Variants in DAB1 observed in about 807,000 individuals in gnomAD.
The protein encoded by DAB1 is DAB adaptor protein 1.
In DAB1, 15 loss-of-function variants were observed where a neutral mutation model predicts 64.6. The observed-to-expected ratio is 0.23, with a 90% CI of 0.16 to 0.36. DAB1 has a LOEUF of 0.36. DAB1 is among the 10% of genes least tolerant of loss of function. The pLI is 1.00. For missense variants in DAB1, 596 were observed against 706.7 expected, an observed-to-expected ratio of 0.84 and a Z score of 1.78; for synonymous variants, 235 against 251.9, an observed-to-expected ratio of 0.93 and a Z score of 0.64.
chr1:57,529,934 A>T (rs1158209400), intron 7 of DAB1, among the ~76,000 whole-genome samples: 1 of 152,064 alleles, frequency 6.6e-6, no homozygotes. Context: ...TTCAATACAC[A>T]TTTATCAAGT....
intron 5 of DAB1, among the ~76,000 whole-genome samples, chr1:57,990,806 C>T (rs900157445): frequency 7.2e-5 from 11 of 152,162 alleles, no homozygotes; most frequent in African/African-American, 2.4e-4. Flanking sequence ...GCAAGACAAT[C>T]CCAGAAGAAA....
At chr1:57,357,580 G>C (rs1214126209) in intron 1 of DAB1, among the ~76,000 whole-genome samples, 1 of 125,982 alleles carries the variant, frequency 7.9e-6, no homozygotes, top group Non-Finnish European at 1.7e-5. Flanking sequence ...TTCTTTTTCA[G>C]ATAGTTCACT....
intron 4 of DAB1, among the ~76,000 whole-genome samples, chr1:58,258,164 G>T (rs1660975733): frequency 6.6e-6 from 1 of 151,980 alleles, no homozygotes; most frequent in African/African-American, 2.4e-5. Flanking sequence ...TCGCACACCA[G>T]GAGGAGTCTG....
At chr1:57,571,764 A>G (rs1478119048) in intron 7 of DAB1, among the ~76,000 whole-genome samples, 1 of 152,198 alleles carries the variant, frequency 6.6e-6, no homozygotes, top group East Asian at 1.9e-4. Context: ...TCTGGACAGG[A>G]ATTAAACAGA....
At chr1:58,543,049 T>C (rs1243818493) in intron 1 of DAB1, among the ~76,000 whole-genome samples, 1 of 151,806 alleles carries the variant, frequency 6.6e-6, no homozygotes, top group Non-Finnish European at 1.5e-5. Context: ...AGACAGAAGA[T>C]AAGTGAGAGA....
chr1:58,527,829 C>G (rs1248036701), intron 1 of DAB1, among the ~76,000 whole-genome samples: 1 of 152,082 alleles, frequency 6.6e-6, no homozygotes, highest in Non-Finnish European at 1.5e-5. Context: ...TTTCCTTTTT[C>G]TTTTCTAAGT....
intron 4 of DAB1, among the ~76,000 whole-genome samples, chr1:58,171,083 G>A (rs923320003): frequency 6.6e-6 from 1 of 152,160 alleles, no homozygotes; most frequent in Non-Finnish European, 1.5e-5. Flanking sequence ...TGCCTTTCTT[G>A]TTATGCCTGA....
At chr1:57,700,552 G>A (rs897014393) in intron 6 of DAB1, among the ~76,000 whole-genome samples, 1 of 152,144 alleles carries the variant, frequency 6.6e-6, no homozygotes, top group Admixed American at 6.5e-5. Flanking sequence ...TGAGAAGTCT[G>A]TTATCAGATG....
At chr1:57,398,148 T>C (rs1682958417) in intron 1 of DAB1, among the ~76,000 whole-genome samples, 2 of 152,234 alleles carry the variant, frequency 1.3e-5, no homozygotes, top group African/African-American at 4.8e-5. Context: ...CAGTCAACAC[T>C]ATCGAGTGCA....
At chr1:57,631,373 A>G (rs1645987323) in intron 7 of DAB1, among the ~76,000 whole-genome samples, 1 of 152,204 alleles carries the variant, frequency 6.6e-6, no homozygotes, top group Non-Finnish European at 1.5e-5. Context: ...ATAAAAATAT[A>G]TTTGCAAATC....
chr1:57,840,494 G>T (rs567572749), intron 1 of DAB1, among the ~76,000 whole-genome samples: 21 of 152,044 alleles, frequency 1.4e-4, no homozygotes, highest in Non-Finnish European at 2.6e-4. Context: ...TATCTAACCA[G>T]GGTATTAGTC....
chr1:58,331,858 C>T (rs960070881), intron 4 of DAB1, among the ~76,000 whole-genome samples: 2 of 152,122 alleles, frequency 1.3e-5, no homozygotes, highest in South Asian at 4.1e-4. Context: ...GGTCTGAAAC[C>T]GAACTCCAAC....
At chr1:57,435,038 CTTTTTTTCTTTTTT>C (rs1685640844) in intron 7 of DAB1, among the ~76,000 whole-genome samples, 1 of 130,628 alleles carries the variant, frequency 7.7e-6, no homozygotes, top group Admixed American at 7.8e-5. Context: ...TTTTTCTTTT[CTTTTTTTCTTTTTT>C]TTTTTTTTTT....
At chr1:57,101,542 C>CA (rs1440816704) in intron 4 of DAB1, among the ~76,000 whole-genome samples, 2 of 152,162 alleles carry the variant, frequency 1.3e-5, no homozygotes, top group Non-Finnish European at 2.9e-5. Context: ...CCTCAAGTTC[C>CA]AACAAAGGAG....
intron 12 of DAB1, 39 bp downstream of exon 12, chr1:57,014,844 C>T: frequency 6.7e-7 from 1 of 1,496,114 alleles, no homozygotes; most frequent in Non-Finnish European, 9.0e-7. Flanking sequence ...TGAGTTACGG[C>T]TCTCATTGGG....
intron 7 of DAB1, among the ~76,000 whole-genome samples, chr1:57,448,491 C>A (rs952365858): frequency 6.6e-6 from 1 of 151,984 alleles, no homozygotes; most frequent in African/African-American, 2.4e-5. Context: ...AAAATAATTC[C>A]CTCTGTAACT....
chr1:57,456,705 T>C (rs72909277), intron 7 of DAB1, among the ~76,000 whole-genome samples: 3,673 of 152,156 alleles, frequency 0.024, 161 homozygotes, highest in African/African-American at 0.084. Flanking sequence ...ACTATAACCA[T>C]TGAGTTATTT....
intron 2 of DAB1, among the ~76,000 whole-genome samples, chr1:57,283,959 G>A (rs995965480): frequency 1.3e-5 from 2 of 152,184 alleles, no homozygotes; most frequent in African/African-American, 4.8e-5. Flanking sequence ...TTCCAGAGAA[G>A]TTGTATATTC....
rs1033843804 is a variant in DAB1 at position 58,248,148 on chromosome 1, G to T, written n.309+95204C>A. ...ATGGTGGCCATTCATTTTGAGGGAG[G>T]TGGGTGAATCCTGTGGCTCCCAGTT... On this transcript the variant is annotated intron_variant and non_coding_transcript_variant, in intron 4 of 20. Coordinates refer to the DAB1 transcript ENST00000485760. Among the ~76,000 whole-genome samples the T allele has an allele frequency of 2.0e-5, 3 of 152,090 alleles. No homozygotes were observed. The South Asian group carries it at 6.2e-4, about 32-fold the overall frequency.
Sources: gnomAD v4.1 joint callset for allele counts (sites outside exome capture counted in the v4.1 genomes callset) on GRCh38, gnomAD v4.1.1 for gene constraint, MANE v1.5 for transcripts, NCBI Gene and HGNC (gene_info 2026-07-23, HGNC 2026-07-21) for gene names.